Variants in SGCD observed in about 807,000 individuals in gnomAD.
The protein encoded by SGCD is delta-sarcoglycan.
Under a neutral mutation model 36.6 loss-of-function variants are expected in SGCD, and 18 were observed. The ratio of observed to expected loss-of-function variants is 0.49; its 90% CI spans 0.34 to 0.73. The LOEUF (loss-of-function observed/expected upper bound fraction) is 0.73, where lower values mean the gene tolerates loss of function less well. Ranked by LOEUF, SGCD falls within the 30% of genes least tolerant of loss-of-function variation. SGCD has a pLI of 0.01. For synonymous variants in SGCD, 133 were observed against 130.6 expected (o/e 1.02, Z -0.12); for missense variants, 387 against 346.7 (o/e 1.12, Z -0.92).
At chr5:156,692,311 G>A (rs912123024) in intron 7 of SGCD, among the ~76,000 whole-genome samples, 2 of 152,236 alleles carry the variant, frequency 1.3e-5, no homozygotes, top group South Asian at 2.1e-4. Context: ...GAGGAGTATC[G>A]TGATTGACTA....
intron 7 of SGCD, among the ~76,000 whole-genome samples, chr5:156,672,101 A>T (rs1405234762): frequency 6.6e-6 from 1 of 152,194 alleles, no homozygotes; most frequent in African/African-American, 2.4e-5. Context: ...TCCAAAGTAT[A>T]TCAGACCCCA....
intron 3 of SGCD, among the ~76,000 whole-genome samples, chr5:156,393,209 G>T (rs1771675495): frequency 6.6e-6 from 1 of 152,170 alleles, no homozygotes; most frequent in Non-Finnish European, 1.5e-5. Context: ...TAAATGAAAT[G>T]TAATTAAGCA....
chr5:156,203,385 T>A (rs1007343879), intron 3 of SGCD, among the ~76,000 whole-genome samples: 1 of 152,160 alleles, frequency 6.6e-6, no homozygotes, highest in Non-Finnish European at 1.5e-5. Context: ...AAGGCATTGT[T>A]CCTATGTAGT....
chr5:156,676,142 C>T (rs1753498496), intron 7 of SGCD, among the ~76,000 whole-genome samples: 1 of 152,266 alleles, frequency 6.6e-6, no homozygotes, highest in Admixed American at 6.5e-5. Flanking sequence ...TACGTTCATA[C>T]AGTTTTTGAT....
intron 3 of SGCD, among the ~76,000 whole-genome samples, chr5:156,429,722 A>C (rs113779533): frequency 6.6e-6 from 1 of 152,058 alleles, no homozygotes; most frequent in Non-Finnish European, 1.5e-5. Flanking sequence ...GGTAGTGGCA[A>C]ATTCTCTCAG....
chr5:155,982,371 G>C (rs1436371949), intron 1 of SGCD, among the ~76,000 whole-genome samples: 1 of 152,186 alleles, frequency 6.6e-6, no homozygotes, highest in Non-Finnish European at 1.5e-5. Flanking sequence ...TAAATCAAAT[G>C]CTAGAAAGTT....
intron 3 of SGCD, among the ~76,000 whole-genome samples, chr5:156,456,910 GAC>G (rs1338224647): frequency 1.3e-5 from 2 of 152,122 alleles, no homozygotes; most frequent in African/African-American, 4.8e-5. Flanking sequence ...TTAGAATATA[GAC>G]AAAATTTTAT....
At chr5:156,343,349 T>C (rs752164678) in intron 2 of SGCD, among the ~76,000 whole-genome samples, 2 of 152,190 alleles carry the variant, frequency 1.3e-5, no homozygotes, top group Non-Finnish European at 2.9e-5. Flanking sequence ...TGAATGGAGA[T>C]AGGCAGTGGG....
chr5:156,486,573 C>T (rs1392328589), intron 3 of SGCD, among the ~76,000 whole-genome samples: 2 of 152,164 alleles, frequency 1.3e-5, no homozygotes, highest in Non-Finnish European at 2.9e-5. Context: ...CCAGCCCCAC[C>T]CACTGATGTC....
intron 3 of SGCD, among the ~76,000 whole-genome samples, chr5:156,318,593 CTTTT>C (rs199528833): frequency 3.6e-5 from 5 of 138,932 alleles, no homozygotes; most frequent in Non-Finnish European, 6.2e-5. Context: ...TGAATGACCT[CTTTT>C]TTTTTTTTTT....
chr5:156,104,822 T>C (rs929716191), intron 1 of SGCD, among the ~76,000 whole-genome samples: 13 of 152,244 alleles, frequency 8.5e-5, no homozygotes, highest in African/African-American at 3.1e-4. Flanking sequence ...TTCTTAAACC[T>C]TGGTTCCTTC....
intron 3 of SGCD, among the ~76,000 whole-genome samples, chr5:156,445,325 T>G (rs1753715410): frequency 6.6e-6 from 1 of 152,188 alleles, no homozygotes; most frequent in African/African-American, 2.4e-5. Context: ...TTATTGATCT[T>G]CAAATCTTGA....
intron 3 of SGCD, among the ~76,000 whole-genome samples, chr5:156,234,050 C>G (rs1358930636): frequency 6.6e-6 from 1 of 152,188 alleles, no homozygotes; most frequent in Non-Finnish European, 1.5e-5. Context: ...TCCTTGTCAG[C>G]ATTTGGTGTT....
chr5:156,293,579 T>A (rs1423210265), intron 3 of SGCD, among the ~76,000 whole-genome samples: 1 of 152,218 alleles, frequency 6.6e-6, no homozygotes, highest in Non-Finnish European at 1.5e-5. Context: ...AATGATTATA[T>A]CTTCCCTATT....
At chr5:156,305,766 C>T (rs1767190499) in intron 3 of SGCD, among the ~76,000 whole-genome samples, 1 of 152,248 alleles carries the variant, frequency 6.6e-6, no homozygotes, top group Non-Finnish European at 1.5e-5. Context: ...TGCTCCAAAA[C>T]CACAGGGCAG....
chr5:156,223,270 A>C (rs1363374140), intron 3 of SGCD, among the ~76,000 whole-genome samples: 1 of 152,074 alleles, frequency 6.6e-6, no homozygotes, highest in Non-Finnish European at 1.5e-5. Context: ...TGTTGGATAG[A>C]CTGACTCTGA....
chr5:156,319,871 A>G (rs949366614), intron 3 of SGCD, among the ~76,000 whole-genome samples: 3 of 152,246 alleles, frequency 2.0e-5, no homozygotes, highest in African/African-American at 7.2e-5. Context: ...TTAAAATTAT[A>G]TAAAGTTATT....
intron 7 of SGCD, among the ~76,000 whole-genome samples, chr5:156,744,375 TGGGGCAGCAGCC>T (rs1756845167): frequency 6.6e-6 from 1 of 152,184 alleles, no homozygotes; most frequent in African/African-American, 2.4e-5. Context: ...CTTGTTAGTG[TGGGGCAGCAGCC>T]GAGACTTTAG....
the SGCD span, among the ~76,000 whole-genome samples, chr5:155,784,403 A>C: frequency 6.6e-6 from 1 of 152,212 alleles, no homozygotes; most frequent in Non-Finnish European, 1.5e-5. Flanking sequence ...GAAGGTAAGC[A>C]CAGTGAGCCG....
Sources: gnomAD v4.1 joint callset for allele counts (sites outside exome capture counted in the v4.1 genomes callset) on GRCh38, gnomAD v4.1.1 for gene constraint, MANE v1.5 for transcripts, NCBI Gene and HGNC (gene_info 2026-07-23, HGNC 2026-07-21) for gene names.